FBXL13: variants seen among roughly 807,000 people sequenced by gnomAD.
FBXL13 encodes F-box and leucine-rich repeat protein 13.
In FBXL13, 67 loss-of-function variants were observed where a neutral mutation model predicts 83.6. The ratio of observed to expected loss-of-function variants is 0.80; its 90% CI spans 0.66 to 0.98. The LOEUF is 0.98. Ranked by LOEUF, FBXL13 falls within the 50% of genes least tolerant of loss-of-function variation. The pLI is 0.00. For synonymous variants in FBXL13, 272 were observed against 299.5 expected (o/e 0.91, Z 0.95); for missense variants, 822 against 866.5 (o/e 0.95, Z 0.64).
At chr7:102,834,460 TATA>T (rs1350708886) in intron 17 of FBXL13, 1 of 145,942 alleles carries the variant, frequency 6.9e-6, no homozygotes, top group East Asian at 2.0e-4. Context: ...TGTGATTATA[TATA>T]TATATATATA....
At chr7:103,051,023 T>C (rs1381257941) in intron 2 of FBXL13, among the ~76,000 whole-genome samples, 2 of 152,182 alleles carry the variant, frequency 1.3e-5, no homozygotes, top group South Asian at 2.1e-4. Context: ...TAGTAAGATT[T>C]TGTCATTTCT....
intron 16 of FBXL13, among the ~76,000 whole-genome samples, chr7:102,855,383 G>A (rs1805886983): frequency 6.6e-6 from 1 of 151,930 alleles, no homozygotes; most frequent in African/African-American, 2.4e-5. Context: ...TCTTTTTCAG[G>A]TTAAAGGCCT....
At chr7:102,991,038 C>CA (rs1402430967) in intron 6 of FBXL13, among the ~76,000 whole-genome samples, 1 of 152,054 alleles carries the variant, frequency 6.6e-6, no homozygotes, top group Non-Finnish European at 1.5e-5. Flanking sequence ...GTCAGGTGGT[C>CA]AAAGTCAACA....
At chr7:102,822,495 A>G in intron 18 of FBXL13, 1 of 540,742 alleles carries the variant, frequency 1.8e-6, no homozygotes, top group East Asian at 4.7e-5. Flanking sequence ...TTATATGGTC[A>G]TAATCCCATC....
chr7:102,985,077 A>G (rs1472598031), intron 6 of FBXL13, among the ~76,000 whole-genome samples: 1 of 152,124 alleles, frequency 6.6e-6, no homozygotes, highest in Non-Finnish European at 1.5e-5. Context: ...CTGAAGACAG[A>G]CCTTCATTCC....
chr7:103,071,830 G>T (rs1798988385), intron 1 of FBXL13, among the ~76,000 whole-genome samples: 1 of 152,128 alleles, frequency 6.6e-6, no homozygotes, highest in Non-Finnish European at 1.5e-5. Context: ...TTTAATGAAA[G>T]GTTATTTATG....
intron 18 of FBXL13, among the ~76,000 whole-genome samples, chr7:102,827,845 T>A (rs573201833): frequency 4.6e-5 from 7 of 152,292 alleles, no homozygotes; most frequent in African/African-American, 1.7e-4. Flanking sequence ...GGGGAATCCT[T>A]TCCCCATTTC....
chr7:102,930,575 T>G (rs1418319792), intron 9 of FBXL13, among the ~76,000 whole-genome samples: 1 of 152,232 alleles, frequency 6.6e-6, no homozygotes, highest in Non-Finnish European at 1.5e-5. Context: ...AAATCTACAA[T>G]GCATTGTTCA....
At chr7:102,958,916 C>A (rs573513660) in intron 8 of FBXL13, among the ~76,000 whole-genome samples, 4 of 151,648 alleles carry the variant, frequency 2.6e-5, no homozygotes, top group African/African-American at 4.8e-5. Context: ...AATTAAAAGA[C>A]GTATTAATAT....
intron 8 of FBXL13, among the ~76,000 whole-genome samples, chr7:102,954,380 C>T (rs1008700368): frequency 3.3e-5 from 5 of 152,158 alleles, no homozygotes; most frequent in Non-Finnish European, 7.3e-5. Flanking sequence ...CTTACAAGAA[C>T]TCCTGAAGGA....
intron 17 of FBXL13, among the ~76,000 whole-genome samples, chr7:102,835,098 C>T (rs1801641391): frequency 6.6e-6 from 1 of 152,148 alleles, no homozygotes; most frequent in Admixed American, 6.5e-5. Flanking sequence ...GGTTATTTAA[C>T]CCTAAGTCAT....
Position 102,913,151 on chromosome 7 carries a change from G to A in FBXL13, c.943C>T (p.Gln315Ter), listed in dbSNP as rs1210263759. 6 of 1,614,038 alleles carry A rather than the reference G, an allele frequency of 3.7e-6. No individual in the cohort carries two copies. Among genetic ancestry groups the A allele is most frequent in the Admixed American group, 1.7e-5 (1 of 59,996 alleles). The change falls in exon 11 of 20, where the codon CAG becomes TAG. Residue 315 changes from glutamine (Q) to a stop codon, truncating the protein, a stop_gained. Transcript: ENST00000313221. LOFTEE classifies it high-confidence loss of function. ...CATCCATTCCCCAAGTTCAGGTACTGTAAGCCTTTGTCTGTGAACCGTCTG... is the reference window on the plus strand; with the variant it reads ...CATCCATTCCCCAAGTTCAGGTACTATAAGCCTTTGTCTGTGAACCGTCTG...
At chr7:103,011,156 A>C (rs1049127055) in intron 6 of FBXL13, among the ~76,000 whole-genome samples, 1 of 152,222 alleles carries the variant, frequency 6.6e-6, no homozygotes, top group Admixed American at 6.5e-5. Flanking sequence ...ACCTCCAAAC[A>C]ATTGCCCTAG....
At chr7:102,906,469 G>C (rs1300077134) in intron 11 of FBXL13, among the ~76,000 whole-genome samples, 1 of 152,132 alleles carries the variant, frequency 6.6e-6, no homozygotes, top group Non-Finnish European at 1.5e-5. Flanking sequence ...GCAACTTCAG[G>C]TGATTATTTA....
At chr7:103,013,167 T>C (rs1791840813) in intron 6 of FBXL13, among the ~76,000 whole-genome samples, 1 of 152,184 alleles carries the variant, frequency 6.6e-6, no homozygotes, top group Non-Finnish European at 1.5e-5. Context: ...GAGACTTAGA[T>C]AACTACACAA....
At chr7:103,059,119 A>G (rs1797615649) in intron 1 of FBXL13, among the ~76,000 whole-genome samples, 1 of 152,140 alleles carries the variant, frequency 6.6e-6, no homozygotes, top group Admixed American at 6.5e-5. Flanking sequence ...TTGTTTTAAA[A>G]ATTAGCTGAG....
chr7:102,992,621 G>T (rs1829696723), intron 6 of FBXL13, among the ~76,000 whole-genome samples: 1 of 152,064 alleles, frequency 6.6e-6, no homozygotes, highest in African/African-American at 2.4e-5. Flanking sequence ...CTTTTTGGGA[G>T]GGGGATGGGG....
intron 10 of FBXL13, among the ~76,000 whole-genome samples, chr7:102,913,619 T>C (rs1815211179): frequency 6.6e-6 from 1 of 152,170 alleles, no homozygotes; most frequent in African/African-American, 2.4e-5. Context: ...GTGCAAAATA[T>C]ATAAAAGGAC....
At chr7:103,041,027 T>C (rs561045305) in intron 2 of FBXL13, among the ~76,000 whole-genome samples, 2 of 152,220 alleles carry the variant, frequency 1.3e-5, no homozygotes, top group Admixed American at 6.5e-5. Flanking sequence ...GAAAAACCAA[T>C]GTATCCAGGA....
Sources: gnomAD v4.1 joint callset for allele counts (sites outside exome capture counted in the v4.1 genomes callset) on GRCh38, gnomAD v4.1.1 for gene constraint, MANE v1.5 for transcripts, NCBI Gene and HGNC (gene_info 2026-07-23, HGNC 2026-07-21) for gene names.